The following RYR3 variants were observed in gnomAD, a reference collection of about 807,000 sequenced individuals.
RYR3 encodes the protein brain ryanodine receptor-calcium release channel.
Under a neutral mutation model 584.3 loss-of-function variants are expected in RYR3, and 207 were observed. The ratio of observed to expected loss-of-function variants is 0.35; its 90% CI spans 0.32 to 0.40. The LOEUF is 0.40. Among genes scored for constraint, RYR3 ranks in the 10% least tolerant of loss-of-function variants. The probability of loss-of-function intolerance (pLI) is 1.00; values close to 1 mark genes in which losing one functional copy is unlikely to be tolerated. For synonymous variants in RYR3, 2,416 were observed against 2,248.5 expected, an observed-to-expected ratio of 1.07 and a Z score of -2.11; for missense variants, 5,616 against 6,089.2, an observed-to-expected ratio of 0.92 and a Z score of 2.59.
chr15:33,815,896 A>G (rs143093766), intron 74 of RYR3: 175 of 398,616 alleles, frequency 4.4e-4, no homozygotes, highest in African/African-American at 3.4e-3. Context: ...AAGGTTAATG[A>G]AAAAACTCAG....
At chr15:33,758,434 T>TA (rs2072076938) in intron 60 of RYR3, among the ~76,000 whole-genome samples, 4 of 152,178 alleles carry the variant, frequency 2.6e-5, no homozygotes, top group Admixed American at 2.6e-4. Flanking sequence ...GAAGTCGACC[T>TA]GGGACACTCG....
At chr15:33,394,413 G>C (rs946632017) in intron 1 of RYR3, among the ~76,000 whole-genome samples, 3 of 152,230 alleles carry the variant, frequency 2.0e-5, no homozygotes, top group African/African-American at 4.8e-5. Flanking sequence ...ATCTGAAAGA[G>C]AGAGACAATT....
intron 38 of RYR3, among the ~76,000 whole-genome samples, chr15:33,675,139 C>G (rs937971521): frequency 1.3e-5 from 2 of 152,196 alleles, no homozygotes; most frequent in Non-Finnish European, 2.9e-5. Context: ...GAGTGTTACT[C>G]TTTGTTATGC....
At position 33,724,686 on chromosome 15, in the gene RYR3, A is replaced by G. The variant is rs1055606382; in HGVS notation, c.6912+510A>G. Among the ~76,000 whole-genome samples, 6 of 152,322 alleles carry G rather than the reference A, an allele frequency of 3.9e-5. No individual in the cohort carries two copies. In the South Asian group the frequency reaches 1.2e-3, roughly 32 times the overall value. ...TCAGACTTCTAGTTTTGAACTAGAA[A>G]GTATGTTCTTTTCTTTTTTCACCTC... On this transcript the variant is annotated intron_variant, in intron 45 of 103. Transcript: ENST00000634891.
At chr15:33,696,954 C>T (rs900005520) in intron 39 of RYR3, among the ~76,000 whole-genome samples, 2 of 152,026 alleles carry the variant, frequency 1.3e-5, no homozygotes, top group East Asian at 1.9e-4. Flanking sequence ...GCTCATGGCT[C>T]TCCCTTAGAA....
chr15:33,606,609 C>T (rs577886305), intron 18 of RYR3, among the ~76,000 whole-genome samples: 2 of 152,254 alleles, frequency 1.3e-5, no homozygotes, highest in Admixed American at 1.3e-4. Context: ...TCTGTCTAAC[C>T]CTCCCTACAG....
chr15:33,615,427 A>C (rs4238566), intron 19 of RYR3, among the ~76,000 whole-genome samples: 98,432 of 152,108 alleles, frequency 0.65, 33,151 homozygotes, highest in Non-Finnish European at 0.74. Context: ...GAATTGTCCT[A>C]TGCGAATGGT....
intron 5 of RYR3, among the ~76,000 whole-genome samples, chr15:33,534,217 A>G (rs1375601853): frequency 6.6e-6 from 1 of 152,188 alleles, no homozygotes; most frequent in Non-Finnish European, 1.5e-5. Context: ...CTTGGCCGAC[A>G]TGGTGAAACC....
At chr15:33,448,600 G>A (rs1403234480) in intron 1 of RYR3, among the ~76,000 whole-genome samples, 1 of 152,242 alleles carries the variant, frequency 6.6e-6, no homozygotes, top group African/African-American at 2.4e-5. Context: ...AGTTTCCACA[G>A]ATGGTGACAA....
chr15:33,458,198 A>G (rs1205555558), intron 1 of RYR3, among the ~76,000 whole-genome samples: 10 of 152,100 alleles, frequency 6.6e-5, no homozygotes, highest in Non-Finnish European at 1.3e-4. Flanking sequence ...GGGGCTGGGT[A>G]GGGTAGACAG....
Position 33,859,718 on chromosome 15 carries a change from G to C in RYR3, c.14286G>C (p.Leu4762=), listed in dbSNP as rs2153013617. Residue 4762 remains leucine, a synonymous_variant, in exon 100 of 104, where the codon CTG becomes CTC. Coordinates refer to ENST00000634891, the MANE Select transcript of RYR3 (RefSeq NM_001036.6). ...TFFFFVIVIL[L]AIIQGLIIDA... ...TCTTCTTCGTCATTGTCATCTTGCT[G>C]GCCATCATTCAAGGTATGATTGCCA... is the stretch of plus-strand genomic sequence containing the variant. 3 of 1,609,228 alleles carry C rather than the reference G, an allele frequency of 1.9e-6. No individual in the cohort carries two copies. The East Asian group carries it at 6.7e-5, about 36-fold the overall frequency.
intron 69 of RYR3, among the ~76,000 whole-genome samples, chr15:33,805,946 CT>C (rs1342382090): frequency 6.6e-6 from 1 of 151,916 alleles, no homozygotes; most frequent in African/African-American, 2.4e-5. Context: ...CTCCCTTCCC[CT>C]CCCTTCTCTC....
chr15:33,843,419 T>C lies in RYR3; in HGVS notation c.13210-69T>C, dbSNP rs2078509215. On this transcript the variant is annotated intron_variant, in intron 91 of 103. Transcript: ENST00000634891. Reference sequence around the variant, plus strand: ...GAACTTCTAACCAGAACTGACCTTCTGTGTGAAAGTAGGAAGTTCTCTTTT... The same window carrying C: ...GAACTTCTAACCAGAACTGACCTTCCGTGTGAAAGTAGGAAGTTCTCTTTT... 3.8e-6 allele frequency: 4 copies of C among 1,059,666 alleles called. No individual in the cohort carries two copies. The South Asian group carries it at 5.4e-5, about 14-fold the overall frequency. 65.6% of individuals were successfully genotyped at this position (1,059,666 alleles called of 1,614,324 possible).
At chr15:33,803,501 C>G (rs2076024380) in intron 69 of RYR3, among the ~76,000 whole-genome samples, 1 of 152,096 alleles carries the variant, frequency 6.6e-6, no homozygotes, top group Admixed American at 6.6e-5. Context: ...AAATCCCAGA[C>G]AGATTCCATA....
chr15:33,762,477 AGCCAAATCATGAGT>A (rs1462098645), intron 60 of RYR3, among the ~76,000 whole-genome samples: 1 of 152,142 alleles, frequency 6.6e-6, no homozygotes, highest in Admixed American at 6.5e-5. Context: ...CAAAACAGAG[AGCCAAATCATGAGT>A]GAACTCCCAT....
chr15:33,487,989 G>A (rs2050608518), intron 2 of RYR3, among the ~76,000 whole-genome samples: 1 of 152,214 alleles, frequency 6.6e-6, no homozygotes, highest in Non-Finnish European at 1.5e-5. Context: ...GAAGTCAAGT[G>A]CAACACATGT....
rs1028739296 is a variant in RYR3 at position 33,782,015 on chromosome 15, C to A, written c.9268+1674C>A. Among the ~76,000 whole-genome samples, 13 of 152,164 alleles carry A rather than the reference C, an allele frequency of 8.5e-5. 1 individual carries two copies. Among genetic ancestry groups the A allele is most frequent in the Admixed American group, 8.5e-4 (13 of 15,274 alleles). ...CAGGCAAATGCCAGCCCAGGTGTTGCTTCCTGACTCCAAAGGGACATGGGG... is the reference window on the plus strand; with the variant it reads ...CAGGCAAATGCCAGCCCAGGTGTTGATTCCTGACTCCAAAGGGACATGGGG... On this transcript the variant is annotated intron_variant, in intron 65 of 103. Coordinates refer to ENST00000634891, the MANE Select transcript of RYR3 (RefSeq NM_001036.6).
intron 98 of RYR3, 98 bp from the exon 99 acceptor site, chr15:33,857,682 T>C: frequency 6.7e-7 from 1 of 1,483,222 alleles, no homozygotes; most frequent in Non-Finnish European, 9.2e-7. Flanking sequence ...TCCTTGCCCG[T>C]CCTCACTCTT....
intron 1 of RYR3, among the ~76,000 whole-genome samples, chr15:33,469,546 C>A (rs570813730): frequency 6.6e-6 from 1 of 151,762 alleles, no homozygotes; most frequent in South Asian, 2.1e-4. Context: ...CTCAGAGATA[C>A]GAGATAATGA....
Sources: allele counts gnomAD v4.1 joint callset (sites outside exome capture counted in the v4.1 genomes callset), GRCh38; gene constraint gnomAD v4.1.1; transcripts MANE v1.5; gene names NCBI Gene and HGNC (gene_info 2026-07-23, HGNC 2026-07-21).